The following GLE1 variants were observed in gnomAD, a reference collection of about 807,000 sequenced individuals.
GLE1 encodes mRNA export factor GLE1.
A neutral mutation model predicts 97.3 loss-of-function variants in GLE1; 78 were observed. The observed-to-expected ratio is 0.80, with a 90% CI of 0.67 to 0.97. GLE1 has a LOEUF of 0.97. GLE1 is among the 50% of genes least tolerant of loss of function. The pLI, the probability that GLE1 is intolerant of heterozygous loss-of-function variation, is 0.00. For synonymous variants in GLE1, 302 were observed against 313.4 expected (o/e 0.96, Z 0.39); for missense variants, 753 against 857.5 (o/e 0.88, Z 1.52).
rs1043568146 is a variant in GLE1, at chr9:128,520,325, T to C, written c.433-2343T>C. On this transcript the variant is annotated intron_variant, in intron 3 of 15. Coordinates refer to ENST00000309971, the MANE Select transcript of GLE1 (RefSeq NM_001003722.2). Reference sequence around the variant, plus strand: ...ATGTATATATGTGTATATATGTATATGTGTGTATATGTGTATATGTGTATA... The same window carrying C: ...ATGTATATATGTGTATATATGTATACGTGTGTATATGTGTATATGTGTATA... Among the ~76,000 whole-genome samples, 4 of 148,488 alleles carry C rather than the reference T, an allele frequency of 2.7e-5. 1 individual carries two copies. The Middle Eastern group carries it at 0.011, about 398-fold the overall frequency.
At position 128,533,611 on chromosome 9, in the gene GLE1, CAG is replaced by C; in HGVS notation, c.1412_1413del (p.Gln471ArgfsTer26). The C allele has an allele frequency of 1.2e-6, 2 of 1,614,082 alleles. No individual in the cohort carries two copies. The highest frequency in any genetic ancestry group is 1.7e-5 in the Admixed American group (1 of 60,010). On this transcript the variant is annotated frameshift_variant, in exon 10 of 16. Transcript: ENST00000309971. LOFTEE classifies it high-confidence loss of function. ...GRSVSVTLNP[Q>X]GLDFVQYKLA... is the part of the protein sequence containing the mutation. ...CTCTGTGTCTGTCACACTTAACCCA[CAG>C]GGGCTGGACTTTGTTCAATACAAAC...
At chr9:128,518,798 G>T (rs1847057344) in intron 3 of GLE1, among the ~76,000 whole-genome samples, 1 of 151,482 alleles carries the variant, frequency 6.6e-6, no homozygotes, top group Admixed American at 6.6e-5. Flanking sequence ...AACCCAGGAG[G>T]CGGAGTTTGC....
At chr9:128,534,293 C>T (rs969062663) in intron 11 of GLE1, among the ~76,000 whole-genome samples, 6 of 152,176 alleles carry the variant, frequency 3.9e-5, no homozygotes, top group Admixed American at 1.3e-4. Flanking sequence ...TGCTTGAACC[C>T]GGAAGGCGGA....
chr9:128,525,925 AAAAAAG>A (rs1369978002), intron 7 of GLE1, among the ~76,000 whole-genome samples: 1 of 152,180 alleles, frequency 6.6e-6, no homozygotes, highest in African/African-American at 2.4e-5. Context: ...CTCCGTCTCA[AAAAAAG>A]AAAAAGAATC....
At chr9:128,535,912 T>G (rs1847693020) in intron 11 of GLE1, among the ~76,000 whole-genome samples, 1 of 151,850 alleles carries the variant, frequency 6.6e-6, no homozygotes, top group Admixed American at 6.6e-5. Flanking sequence ...GGTGGTGAAG[T>G]TTGCAGTGAG....
chr9:128,536,645 T>G (rs1281079069), intron 12 of GLE1, among the ~76,000 whole-genome samples, 161 bp downstream of exon 12: 2 of 152,178 alleles, frequency 1.3e-5, no homozygotes, highest in Middle Eastern at 3.2e-3. Context: ...GAATGTTGAT[T>G]ATTAGGGAAC....
Position 128,533,673 on chromosome 9 carries a change from T to A in GLE1, c.1455+18T>A. On this transcript the variant is annotated intron_variant, in intron 10 of 15. Transcript: ENST00000309971. ...AATTTGTGGTGAGAAACCTTGTTGC[T>A]AGAGGTATGGGAAGCAGAGGCTGGT... is the stretch of plus-strand genomic sequence containing the variant. 1.2e-6 allele frequency: 2 copies of A among 1,613,966 alleles called. No individual in the cohort carries two copies. The highest frequency in any genetic ancestry group is 1.7e-6 in the Non-Finnish European group (2 of 1,179,850).
intron 7 of GLE1, among the ~76,000 whole-genome samples, chr9:128,526,673 T>G (rs1365226843): frequency 5.5e-5 from 8 of 146,612 alleles, no homozygotes; most frequent in Non-Finnish European, 9.0e-5. Context: ...TTGTTTTTTG[T>G]TTTTTTTTTG....
At chr9:128,540,377 T>G in intron 15 of GLE1, 39 bp downstream of exon 15, 4 of 1,257,174 alleles carry the variant, frequency 3.2e-6, no homozygotes, top group East Asian at 2.3e-5. Context: ...ACACTGTTGT[T>G]GGGCTGGAAT....
intron 2 of GLE1, among the ~76,000 whole-genome samples, chr9:128,511,868 A>G (rs1266458477): frequency 1.3e-5 from 2 of 151,666 alleles, no homozygotes; most frequent in Non-Finnish European, 2.9e-5. Context: ...CTGGAGTGCA[A>G]TGGTGCAATC....
intron 1 of GLE1, among the ~76,000 whole-genome samples, chr9:128,507,859 G>A (rs1469775480): frequency 2.0e-5 from 3 of 151,430 alleles, no homozygotes; most frequent in Non-Finnish European, 4.4e-5. Context: ...CTGCACTCCA[G>A]CCTGGGTGAC....
intron 2 of GLE1, among the ~76,000 whole-genome samples, chr9:128,511,407 C>T (rs1019334278): frequency 1.3e-5 from 2 of 150,832 alleles, no homozygotes; most frequent in African/African-American, 4.9e-5. Context: ...AATGTCATAC[C>T]TTATATAAAA....
intron 12 of GLE1, chr9:128,537,066 C>G (rs1222378001): frequency 6.4e-6 from 1 of 156,178 alleles, no homozygotes; most frequent in African/African-American, 2.4e-5. Flanking sequence ...GTCAATAAGG[C>G]TAATTGTTAC....
intron 15 of GLE1, 61 bp downstream of exon 15, chr9:128,540,399 TGAC>T: frequency 1.9e-6 from 2 of 1,035,522 alleles, no homozygotes; most frequent in South Asian, 2.5e-5. Context: ...CACCTATGTC[TGAC>T]AAGTCTTGGA....
rs965064370 is a variant in GLE1, at chr9:128,511,549, TA to T, written c.321+2463del. Among the ~76,000 whole-genome samples the T allele has an allele frequency of 7.1e-3, 1,018 of 143,052 alleles. 10 individuals are homozygous for T. Among genetic ancestry groups the T allele is most frequent in the African/African-American group, 0.024 (924 of 39,248 alleles). 93.8% of individuals were successfully genotyped at this position (143,052 alleles called of 152,430 possible). ...GGTCAAACCCCTTCTCTACTAAAAA[TA>T]AAAAAAAAAATTAGGCGAGTTGGCG... On this transcript the variant is annotated intron_variant, in intron 2 of 15. Coordinates refer to ENST00000309971, the MANE Select transcript of GLE1 (RefSeq NM_001003722.2).
At chr9:128,517,109 G>A (rs1847011634) in intron 3 of GLE1, among the ~76,000 whole-genome samples, 1 of 151,704 alleles carries the variant, frequency 6.6e-6, no homozygotes, top group Non-Finnish European at 1.5e-5. Context: ...GGCCAACATG[G>A]CGAAACCCCA....
rs1311909679 is a variant in GLE1, at chr9:128,540,303, A to G, written c.1993A>G (p.Met665Val). Reference protein sequence around the residue: ...RIEAITSSGQMGSFIRLKQFL... With the variant: ...RIEAITSSGQVGSFIRLKQFL... ...TGAAGCTATCACAAGCTCAGGACAG[A>G]TGGGCTCCTTCATACGCCTCAAGCA... is the stretch of plus-strand genomic sequence containing the variant. The change falls in exon 15 of 16, where the codon ATG (methionine) becomes GTG (valine). Residue 665 changes from methionine (M) to valine (V), a missense_variant. Coordinates refer to ENST00000309971, the MANE Select transcript of GLE1 (RefSeq NM_001003722.2). 1 of 1,610,542 alleles carries G rather than the reference A, an allele frequency of 6.2e-7. No homozygotes were observed. Among genetic ancestry groups the G allele is most frequent in the Non-Finnish European group, 8.5e-7 (1 of 1,176,756 alleles).
At chr9:128,529,093 C>G (rs1034284129) in intron 9 of GLE1, 2 of 152,182 alleles carry the variant, frequency 1.3e-5, no homozygotes, top group African/African-American at 4.8e-5. Flanking sequence ...CTTTCTGGAA[C>G]AGGGCAAGGT....
intron 10 of GLE1, 23 bp from the exon 11 acceptor site, chr9:128,533,738 T>C (rs1360920389): frequency 1.2e-6 from 2 of 1,613,518 alleles, no homozygotes; most frequent in African/African-American, 1.3e-5. Context: ...AAGTTAAAAT[T>C]GTACCCACCT....
Sources: allele counts gnomAD v4.1 joint callset (sites outside exome capture counted in the v4.1 genomes callset), GRCh38; gene constraint gnomAD v4.1.1; transcripts MANE v1.5; gene names NCBI Gene and HGNC (gene_info 2026-07-23, HGNC 2026-07-21).